FAM186B: variants seen among roughly 807,000 people sequenced by gnomAD.
The protein encoded by FAM186B is protein FAM186B.
FAM186B carries 68 observed loss-of-function variants against 83.4 expected under a neutral mutation model. That is an observed-to-expected ratio of 0.81 (90% CI 0.67 to 1.00). The LOEUF (loss-of-function observed/expected upper bound fraction) is 1.00. FAM186B is among the 50% of genes least tolerant of loss of function. The probability of loss-of-function intolerance (pLI) is 0.00; values close to 1 mark genes in which losing one functional copy is unlikely to be tolerated. For missense variants in FAM186B, 983 were observed against 1,099.2 expected (o/e 0.89, Z 1.49); for synonymous variants, 389 against 422.0 (o/e 0.92, Z 0.96).
At chr12:49,619,954 AC>A in the FAM186B span, among the ~76,000 whole-genome samples, 1 of 152,066 alleles carries the variant, frequency 6.6e-6, no homozygotes, top group Non-Finnish European at 1.5e-5. Context: ...TGCTGGGATT[AC>A]AGGCATGAGC....
chr12:49,611,913 A>G, the FAM186B span, among the ~76,000 whole-genome samples: 158 of 151,892 alleles, frequency 1.0e-3, 4 homozygotes, highest in East Asian at 3.9e-4. Flanking sequence ...AGGAGAAATA[A>G]AAGCTTTTCC....
rs373815297 is a variant in FAM186B, at chr12:49,587,804, T to C, written c.2535-52A>G. On this transcript the variant is annotated intron_variant, in intron 6 of 6. Transcript: ENST00000257894. ...GAAAAGCAACAGAGAGAGATTGAGA[T>C]GCAAGAGACTCTCCAGAGCCATCAG... The C allele has an allele frequency of 1.2e-4, 186 of 1,566,726 alleles. No homozygotes were observed. In the African/African-American group the frequency reaches 2.2e-3, roughly 18 times the overall value.
Position 49,599,999 on chromosome 12 carries a change from C to T in FAM186B, c.1641G>A (p.Glu547=). The change falls in exon 4 of 7, where the codon GAG becomes GAA. Residue 547 remains glutamate (E), a synonymous_variant. Coordinates refer to ENST00000257894, the MANE Select transcript of FAM186B (RefSeq NM_032130.3). The part of the protein sequence containing the change: ...LEKEQESPRR[E]PEQLGEDVER... ...CCACATCCTCCCCTAGCTGCTCTGG[C>T]TCTCTCCGTGGGCTCTCCTGCTCCT... 6.2e-7 allele frequency: 1 copy of T among 1,612,578 alleles called. No individual in the cohort carries two copies. Among genetic ancestry groups the T allele is most frequent in the Non-Finnish European group, 8.5e-7 (1 of 1,179,386 alleles).
chr12:49,613,742 G>A, the FAM186B span, among the ~76,000 whole-genome samples: 1 of 151,862 alleles, frequency 6.6e-6, no homozygotes, highest in Non-Finnish European at 1.5e-5. Flanking sequence ...GGGAGGCTGA[G>A]GCGGGAGGAT....
In FAM186B at chr12:49,600,751, C is replaced by T. The variant is rs200994966; in HGVS notation, c.889G>A (p.Val297Ile). The T allele has an allele frequency of 3.1e-6, 5 of 1,614,044 alleles. No individual in the cohort carries two copies. The highest frequency in any genetic ancestry group is 4.2e-6 in the Non-Finnish European group (5 of 1,179,928). The change falls in exon 4 of 7, where the codon GTA becomes ATA. Residue 297 changes from valine (V) to isoleucine (I), a missense_variant. Coordinates refer to ENST00000257894, the MANE Select transcript of FAM186B (RefSeq NM_032130.3). This position sits in a 1 kb window ranked among gnomAD's most constrained non-coding sequence, Gnocchi z 4.3. ...TGGTACCTTCCCCCTAAGATCTCTACCTGCTTCAGCAGAGCATCCCTCCTG... is the reference window on the plus strand; with the variant it reads ...TGGTACCTTCCCCCTAAGATCTCTATCTGCTTCAGCAGAGCATCCCTCCTG... ...ESRRDALLKQVEILGGRYHDL... is the reference protein window; with the variant it reads ...ESRRDALLKQIEILGGRYHDL...
upstream of FAM186B, among the ~76,000 whole-genome samples, chr12:49,608,219 G>A (rs1232496940): frequency 2.0e-5 from 3 of 150,784 alleles, no homozygotes; most frequent in Admixed American, 6.6e-5. Flanking sequence ...GGCCGGGTGC[G>A]GTGGCTCATG....
upstream of FAM186B, among the ~76,000 whole-genome samples, chr12:49,605,916 G>A (rs552746092): frequency 3.3e-5 from 5 of 151,714 alleles, no homozygotes; most frequent in African/African-American, 4.8e-5. Context: ...GTGCCACCAC[G>A]CCTGGCTAAT....
In FAM186B at chr12:49,601,069, G is replaced by A; in HGVS notation, c.571C>T (p.Gln191Ter). 1 of 1,610,252 alleles carries A rather than the reference G, an allele frequency of 6.2e-7. No individual in the cohort carries two copies. The highest frequency in any genetic ancestry group is 8.5e-7 in the Non-Finnish European group (1 of 1,177,450). The change falls in exon 4 of 7, where the codon CAG (glutamine) becomes TAG (stop). Residue 191 changes from glutamine (Q) to a stop codon, truncating the protein, a stop_gained. Transcript: ENST00000257894. LOFTEE classifies it high-confidence loss of function. ...RSPQTSPSHPQPLSPEQMLQD... is the reference protein window; with the variant it reads ...RSPQTSPSHP ...AGCATCTGTTCTGGGCTTAGTGGCT[G>A]AGGATGGGATGGAGATGTCTGTGGG...
chr12:49,588,524 G>C lies in FAM186B; in HGVS notation c.2464C>G (p.Pro822Ala). The C allele has an allele frequency of 6.2e-7, 1 of 1,613,510 alleles. No homozygotes were observed. Among genetic ancestry groups the C allele is most frequent in the East Asian group, 2.2e-5 (1 of 44,848 alleles). The change falls in exon 6 of 7, where the codon CCC (proline) becomes GCC (alanine). Residue 822 changes from proline to alanine, a missense_variant. Physicochemically the swap from Pro to Ala is conservative, Grantham distance 27. Coordinates refer to ENST00000257894, the MANE Select transcript of FAM186B (RefSeq NM_032130.3). ...GGCTGCTTGTAGGTGGGGCCACTGG[G>C]GCGGATGTGCCGGGGTGAGGCTGCA... ...LPAASPRHIR[P>A]SGPTYKQPFL...
At chr12:49,595,810 C>T (rs1165905448) in intron 5 of FAM186B, 3 of 177,052 alleles carry the variant, frequency 1.7e-5, no homozygotes, top group African/African-American at 2.4e-5. Context: ...AGTGAAAACC[C>T]GTCTCCACTA....
the FAM186B span, among the ~76,000 whole-genome samples, chr12:49,611,010 C>T: frequency 2.6e-5 from 4 of 151,422 alleles, no homozygotes; most frequent in African/African-American, 9.7e-5. Context: ...GAGGCCAAGG[C>T]GGGCGAATCA....
intron 2 of FAM186B, 98 bp from the exon 3 acceptor site, chr12:49,603,465 C>A: frequency 1.6e-6 from 2 of 1,234,562 alleles, no homozygotes; most frequent in Non-Finnish European, 2.3e-6. Flanking sequence ...TGTGAAGTCA[C>A]ATTGATTTTA....
At position 49,600,383 on chromosome 12, in the gene FAM186B, G is replaced by A. The variant is rs1477630031; in HGVS notation, c.1257C>T (p.Pro419=). ...DTESLEPVLL[P]LVDRRFPKKW... is the part of the protein sequence containing the mutation. ...TCTTAGGAAACCTGCGATCTACTAA[G>A]GGTAAAAGCACAGGCTCAAGGCTCT... is the stretch of plus-strand genomic sequence containing the variant. Residue 419 remains proline, a synonymous_variant, in exon 4 of 7, where the codon CCC becomes CCT. Coordinates refer to ENST00000257894, the MANE Select transcript of FAM186B (RefSeq NM_032130.3). The surrounding 1 kb of genome is among the most constrained non-coding windows in gnomAD (Gnocchi z 4.3). 34 of 1,614,042 alleles carry A rather than the reference G, an allele frequency of 2.1e-5. No homozygotes were observed. Among genetic ancestry groups the A allele is most frequent in the African/African-American group, 2.7e-5 (2 of 74,908 alleles).
intron 4 of FAM186B, 142 bp downstream of exon 4, chr12:49,599,327 C>A (rs1193455266): frequency 7.4e-7 from 1 of 1,343,556 alleles, no homozygotes. Context: ...GCTTTCCAGG[C>A]CCCCACTCAG....
At chr12:49,617,903 G>C in the FAM186B span, among the ~76,000 whole-genome samples, 1 of 152,182 alleles carries the variant, frequency 6.6e-6, no homozygotes, top group Non-Finnish European at 1.5e-5. Flanking sequence ...ACTAGAGAAG[G>C]ACAGATCCTA....
At chr12:49,616,840 T>C in the FAM186B span, among the ~76,000 whole-genome samples, 3 of 152,310 alleles carry the variant, frequency 2.0e-5, no homozygotes, top group East Asian at 5.8e-4. Flanking sequence ...AAATTGCCAT[T>C]ATATGTAAAT....
At chr12:49,596,825 C>T (rs540479240) in intron 5 of FAM186B, among the ~76,000 whole-genome samples, 188 of 152,274 alleles carry the variant, frequency 1.2e-3, no homozygotes, top group Middle Eastern at 3.4e-3. Context: ...TATCTGGACT[C>T]CCATGTCCAT....
chr12:49,612,432 C>A, the FAM186B span, among the ~76,000 whole-genome samples: 2 of 150,768 alleles, frequency 1.3e-5, no homozygotes, highest in Admixed American at 6.6e-5. Flanking sequence ...GAAGCTTGTC[C>A]AACCTGTGAC....
downstream of FAM186B, among the ~76,000 whole-genome samples, chr12:49,586,737 T>C (rs1032240027): frequency 1.3e-5 from 2 of 152,190 alleles, no homozygotes; most frequent in Admixed American, 6.5e-5. Flanking sequence ...CCTCCAGGAA[T>C]TGGAAACCAG....
Sources: allele counts gnomAD v4.1 joint callset (sites outside exome capture counted in the v4.1 genomes callset), GRCh38; gene constraint gnomAD v4.1.1; non-coding constraint Gnocchi (gnomAD v3.1); transcripts MANE v1.5; gene names NCBI Gene and HGNC (gene_info 2026-07-23, HGNC 2026-07-21).